The following SLC7A5 variants were observed in gnomAD, a reference collection of about 807,000 sequenced individuals.
SLC7A5 encodes the protein solute carrier family 7 member 5, also known as large neutral amino acids transporter small subunit 1.
SLC7A5 carries 23 observed loss-of-function variants against 50.2 expected under a neutral mutation model. The ratio of observed to expected loss-of-function variants is 0.46; its 90% CI spans 0.33 to 0.65. The LOEUF (loss-of-function observed/expected upper bound fraction) is 0.65, where lower values mean the gene tolerates loss of function less well. Among genes scored for constraint, SLC7A5 ranks in the 30% least tolerant of loss-of-function variants. The pLI is 0.02. For missense variants in SLC7A5, 578 were observed against 684.4 expected, an observed-to-expected ratio of 0.84 and a Z score of 1.73; for synonymous variants, 393 against 330.6, an observed-to-expected ratio of 1.19 and a Z score of -2.05.
intron 1 of SLC7A5, among the ~76,000 whole-genome samples, chr16:87,866,660 T>G (rs1251794707): frequency 1.3e-5 from 2 of 152,058 alleles, no homozygotes; most frequent in African/African-American, 2.4e-5. Context: ...AGAGATGGGG[T>G]TTCACCATGT....
intron 1 of SLC7A5, among the ~76,000 whole-genome samples, chr16:87,867,696 T>C (rs2055480677): frequency 6.6e-6 from 1 of 152,128 alleles, no homozygotes; most frequent in East Asian, 1.9e-4. Flanking sequence ...ACACACACTA[T>C]TGAGATGCAG....
At chr16:87,848,124 G>C (rs73251399) in intron 2 of SLC7A5, among the ~76,000 whole-genome samples, 2,509 of 130,936 alleles carry the variant, frequency 0.019, 67 homozygotes, top group African/African-American at 0.075. Context: ...TTTGTGGACA[G>C]AGTGAAAGGG....
At chr16:87,859,580 G>A (rs2055362618) in intron 1 of SLC7A5, among the ~76,000 whole-genome samples, 1 of 152,158 alleles carries the variant, frequency 6.6e-6, no homozygotes, top group African/African-American at 2.4e-5. Flanking sequence ...GGAAGAGGGG[G>A]TCACACAGGC....
In SLC7A5 at chr16:87,834,486, G is replaced by A; in HGVS notation, c.1396C>T (p.Leu466Phe). 6.3e-7 allele frequency: 1 copy of A among 1,581,230 alleles called. No homozygotes were observed. Residue 466 changes from leucine to phenylalanine, a missense_variant, in exon 9 of 10, where the codon CTC becomes TTC. Coordinates refer to ENST00000261622, the MANE Select transcript of SLC7A5 (RefSeq NM_003486.7). ...AAGAAGTAGACGGGCAGCCCGCTGA[G>A]GATGATGGTGAAGCCGATGCCACAC... ...VECGIGFTIILSGLPVYFFGV... is the reference protein window; with the variant it reads ...VECGIGFTIIFSGLPVYFFGV...
rs1179150611 is a variant in SLC7A5, at chr16:87,860,325, CAAA to C, written c.539-8479_539-8477del. On this transcript the variant is annotated intron_variant, in intron 1 of 9. Transcript: ENST00000261622. This position sits in a 1 kb window ranked among gnomAD's most constrained non-coding sequence, Gnocchi z 4.8. ...TCCAGCCCGAGTAACAAAAGCATCTCAAAAAAAAAAAAAAATACACACACACAC... is the reference window on the plus strand; with the variant it reads ...TCCAGCCCGAGTAACAAAAGCATCTCAAAAAAAAAAAATACACACACACAC... 1.9e-4 allele frequency among the ~76,000 whole-genome samples: 15 copies of C among 78,982 alleles called. 1 individual carries two copies. Among genetic ancestry groups the C allele is most frequent in the African/African-American group, 7.3e-4 (14 of 19,168 alleles). 51.8% of individuals were successfully genotyped at this position (78,982 alleles called of 152,430 possible).
At chr16:87,840,624 A>G in intron 3 of SLC7A5, 151 bp from the exon 4 acceptor site, 1 of 725,662 alleles carries the variant, frequency 1.4e-6, no homozygotes, top group Non-Finnish European at 2.5e-6. Context: ...GAGGGAGCTC[A>G]GCCTCCTGCG....
intron 1 of SLC7A5, among the ~76,000 whole-genome samples, chr16:87,866,658 G>T (rs969634018): frequency 6.6e-6 from 1 of 152,076 alleles, no homozygotes; most frequent in East Asian, 1.9e-4. Flanking sequence ...GTAGAGATGG[G>T]GTTTCACCAT....
intron 9 of SLC7A5, among the ~76,000 whole-genome samples, chr16:87,834,034 A>G (rs1597490976): frequency 2.0e-5 from 3 of 152,050 alleles, no homozygotes; most frequent in Admixed American, 2.0e-4. Context: ...GTGTATTTTT[A>G]GTAGAGACAG....
At chr16:87,868,820 G>C in intron 1 of SLC7A5, 65 bp downstream of exon 1, 1 of 1,467,098 alleles carries the variant, frequency 6.8e-7, no homozygotes, top group African/African-American at 1.4e-5. Flanking sequence ...GGGGCGTAGT[G>C]ATGCAAGGAT....
intron 1 of SLC7A5, among the ~76,000 whole-genome samples, chr16:87,859,468 C>T (rs1338409007): frequency 6.6e-6 from 1 of 152,150 alleles, no homozygotes. Context: ...AGCACGTACA[C>T]CAAAAATAAA....
chr16:87,840,244 A>T (rs1336335268), intron 4 of SLC7A5, among the ~76,000 whole-genome samples, 185 bp downstream of exon 4: 1 of 152,222 alleles, frequency 6.6e-6, no homozygotes, highest in Non-Finnish European at 1.5e-5. Flanking sequence ...TCTCTGGAGA[A>T]ACCGTGCTCA....
chr16:87,839,506 A>G (rs1349342116), intron 5 of SLC7A5, among the ~76,000 whole-genome samples, 196 bp downstream of exon 5: 1 of 152,168 alleles, frequency 6.6e-6, no homozygotes, highest in Non-Finnish European at 1.5e-5. Context: ...CTTGAGGATG[A>G]TCCCCAGACA....
At chr16:87,835,835 G>A (rs1022164349) in intron 8 of SLC7A5, among the ~76,000 whole-genome samples, 1 of 152,220 alleles carries the variant, frequency 6.6e-6, no homozygotes, top group Non-Finnish European at 1.5e-5. Context: ...GGAACACAGA[G>A]GGAGAGATGG....
intron 1 of SLC7A5, among the ~76,000 whole-genome samples, chr16:87,859,666 C>T (rs911697868): frequency 6.6e-6 from 1 of 152,172 alleles, no homozygotes; most frequent in Non-Finnish European, 1.5e-5. Context: ...CTTGGCCTGG[C>T]TCAGTGGCTC....
chr16:87,848,842 C>T (rs980959561), intron 2 of SLC7A5, among the ~76,000 whole-genome samples: 2 of 152,208 alleles, frequency 1.3e-5, no homozygotes, highest in African/African-American at 4.8e-5. Context: ...ATGCGGCACA[C>T]GGGACAGAAG....
chr16:87,852,657 T>C lies in SLC7A5; in HGVS notation c.539-808A>G, dbSNP rs948241844. The stretch of plus-strand genomic sequence containing the variant: ...GAGCCTCTGTGTGTGTGTGTGTGTG[T>C]GTGTGTGTGTGTGTGTGTGTGTGTG... On this transcript the variant is annotated intron_variant, in intron 1 of 9. Coordinates refer to ENST00000261622, the MANE Select transcript of SLC7A5 (RefSeq NM_003486.7). This position sits in a 1 kb window ranked among gnomAD's most constrained non-coding sequence, Gnocchi z 4.5. Among the ~76,000 whole-genome samples, 1 of 148,650 alleles carries C rather than the reference T, an allele frequency of 6.7e-6. No individual in the cohort carries two copies. The highest frequency in any genetic ancestry group is 1.5e-5 in the Non-Finnish European group (1 of 67,284).
rs751059472 is a variant in SLC7A5, at chr16:87,851,701, T to C, written c.664+23A>G. On this transcript the variant is annotated intron_variant, in intron 2 of 9. Transcript: ENST00000261622. Reference sequence around the variant, plus strand: ...AGGCAAAGCCTCGAGGGGCCGCCGGTGGGGCCTGGGGGACGTACTCACCCT... The same window carrying C: ...AGGCAAAGCCTCGAGGGGCCGCCGGCGGGGCCTGGGGGACGTACTCACCCT... The C allele has an allele frequency of 4.4e-6, 7 of 1,603,630 alleles. No individual in the cohort carries two copies. In the Admixed American group the frequency reaches 1.0e-4, roughly 23 times the overall value.
At chr16:87,851,894 G>A (rs376118892) in intron 1 of SLC7A5, 45 bp from the exon 2 acceptor site, 99 of 1,610,962 alleles carry the variant, frequency 6.1e-5, no homozygotes, top group Non-Finnish European at 7.1e-5. Flanking sequence ...GCAGACAGAC[G>A]CCAGCTCAGG....
rs1325047651 is a variant in SLC7A5 at position 87,869,439 on chromosome 16, G to A, written c.-17C>T. The A allele has an allele frequency of 6.3e-6, 9 of 1,424,330 alleles. No individual in the cohort carries two copies. The highest frequency in any genetic ancestry group is 1.5e-5 in the South Asian group (1 of 65,526). The allele number at this position is 1,424,330 out of a possible 1,614,324, so 88.2% of individuals were successfully genotyped here. Reference sequence around the variant, plus strand: ...ACCCGCCATGCTCTGCGCACCGGCCGGGCCTGGGACACCCGGGAGCCGCGG... The same window carrying A: ...ACCCGCCATGCTCTGCGCACCGGCCAGGCCTGGGACACCCGGGAGCCGCGG... On this transcript the variant is annotated 5_prime_UTR_variant, in exon 1 of 10. Coordinates refer to ENST00000261622, the MANE Select transcript of SLC7A5 (RefSeq NM_003486.7).
Sources: gnomAD v4.1 joint callset for allele counts (sites outside exome capture counted in the v4.1 genomes callset) on GRCh38, gnomAD v4.1.1 for gene constraint, Gnocchi (gnomAD v3.1) non-coding constraint, MANE v1.5 for transcripts, NCBI Gene and HGNC (gene_info 2026-07-23, HGNC 2026-07-21) for gene names.